The following RAD23B variants were observed in gnomAD, a reference collection of about 807,000 sequenced individuals.
The protein encoded by RAD23B is RAD23 nucleotide excision repair protein B.
Under a neutral mutation model 49.1 loss-of-function variants are expected in RAD23B, and 5 were observed. That is an observed-to-expected ratio of 0.10 (90% confidence interval 0.05 to 0.21). The LOEUF (loss-of-function observed/expected upper bound fraction) is 0.21, where lower values mean the gene tolerates loss of function less well. Among genes scored for constraint, RAD23B ranks in the 10% least tolerant of loss-of-function variants. RAD23B has a pLI of 1.00. For synonymous variants in RAD23B, 184 were observed against 165.4 expected, an observed-to-expected ratio of 1.11 and a Z score of -0.86; for missense variants, 356 against 486.7, an observed-to-expected ratio of 0.73 and a Z score of 2.53.
At chr9:107,284,115 T>G (rs1385752289) in intron 1 of RAD23B, 9 of 995,546 alleles carry the variant, frequency 9.0e-6, no homozygotes, top group Non-Finnish European at 9.6e-6. Flanking sequence ...GCCGCTTAGT[T>G]CCCAGAGTTG....
rs1381301115 is a variant in RAD23B at position 107,329,663 on chromosome 9, C to G, written c.*7C>G. On this transcript the variant is annotated 3_prime_UTR_variant, in exon 10 of 10. Coordinates refer to ENST00000358015, the MANE Select transcript of RAD23B (RefSeq NM_002874.5). The stretch of plus-strand genomic sequence containing the variant: ...GAACTTTGATGAAGATTGAAAGGGA[C>G]TTTTTTATATCTCACACTTCACACC... 1 of 1,569,344 alleles carries G rather than the reference C, an allele frequency of 6.4e-7. No homozygotes were observed. Among genetic ancestry groups the G allele is most frequent in the African/African-American group, 1.4e-5 (1 of 73,730 alleles).
chr9:107,326,613 C>T lies in RAD23B; in HGVS notation c.1116+1609C>T, dbSNP rs1225028981. Among the ~76,000 whole-genome samples, 5 of 140,272 alleles carry T rather than the reference C, an allele frequency of 3.6e-5. No individual in the cohort carries two copies. The South Asian group carries it at 9.2e-4, about 26-fold the overall frequency. 92.0% of individuals were successfully genotyped at this position (140,272 alleles called of 152,430 possible). A position where few individuals can be genotyped will look rare whatever the true frequency, so the allele number is the denominator to read the frequency against. On this transcript the variant is annotated intron_variant, in intron 9 of 9. Transcript: ENST00000358015. ...TTCAGTCTCTTGTTACTTGTCTATT[C>T]AACTTTTGTATTTCTTTTTTTTTTT... is the stretch of plus-strand genomic sequence containing the variant.
Position 107,331,653 on chromosome 9 carries a change from TTC to T in RAD23B, c.*2001_*2002del, listed in dbSNP as rs752821921. On this transcript the variant is annotated 3_prime_UTR_variant, in exon 10 of 10. Coordinates refer to ENST00000358015, the MANE Select transcript of RAD23B (RefSeq NM_002874.5). ...GAATACTCTCATTTATTTTATGACA[TTC>T]TCTGTCTACTCAGATCATAGTGAAA... The T allele has an allele frequency of 1.2e-5, 9 of 770,650 alleles. No individual in the cohort carries two copies. The highest frequency in any genetic ancestry group is 2.2e-5 in the Non-Finnish European group (9 of 415,570). 47.7% of individuals were successfully genotyped at this position (770,650 alleles called of 1,614,324 possible).
At chr9:107,308,357 T>C (rs1014874490) in intron 4 of RAD23B, among the ~76,000 whole-genome samples, 5 of 152,098 alleles carry the variant, frequency 3.3e-5, no homozygotes, top group Non-Finnish European at 7.4e-5. Context: ...TAGCTGGGAT[T>C]ACAGGCGCAT....
intron 1 of RAD23B, among the ~76,000 whole-genome samples, chr9:107,292,610 G>A (rs900296011): frequency 6.6e-6 from 1 of 150,896 alleles, no homozygotes; most frequent in Admixed American, 6.6e-5. Flanking sequence ...AACTCGTGAG[G>A]TGGAGGTTGC....
intron 5 of RAD23B, among the ~76,000 whole-genome samples, chr9:107,313,044 TTTTTA>T (rs1219176402): frequency 3.3e-5 from 5 of 152,144 alleles, no homozygotes; most frequent in Admixed American, 6.5e-5. Context: ...ATTCCCTGCT[TTTTTA>T]TTTTATTTTA....
intron 1 of RAD23B, chr9:107,284,128 A>C (rs865852405): frequency 1.0e-6 from 1 of 993,514 alleles, no homozygotes; most frequent in South Asian, 4.7e-5. Context: ...CAGAGTTGGT[A>C]ACCCGAGAAG....
chr9:107,294,218 T>C (rs985388068), intron 1 of RAD23B, among the ~76,000 whole-genome samples: 4 of 152,212 alleles, frequency 2.6e-5, no homozygotes, highest in Admixed American at 6.5e-5. Context: ...TAATATTATG[T>C]TGAGTACGTT....
chr9:107,311,090 T>C (rs1826879331), intron 4 of RAD23B, among the ~76,000 whole-genome samples: 1 of 152,222 alleles, frequency 6.6e-6, no homozygotes, highest in South Asian at 2.1e-4. Context: ...CAGACTTCTC[T>C]GTAGTTTCCC....
chr9:107,299,388 T>A (rs1204403198), intron 1 of RAD23B, among the ~76,000 whole-genome samples: 1 of 152,184 alleles, frequency 6.6e-6, no homozygotes, highest in Non-Finnish European at 1.5e-5. Flanking sequence ...ACTTAACAAG[T>A]TAAGAAGTTC....
chr9:107,305,143 A>C (rs1344165905), intron 3 of RAD23B, among the ~76,000 whole-genome samples: 1 of 151,956 alleles, frequency 6.6e-6, no homozygotes, highest in Non-Finnish European at 1.5e-5. Context: ...AAAAATACAA[A>C]AATTTAGCAG....
intron 8 of RAD23B, 55 bp from the exon 9 acceptor site, chr9:107,324,779 C>T (rs1827172389): frequency 1.4e-6 from 2 of 1,456,492 alleles, no homozygotes; most frequent in East Asian, 4.7e-5. Context: ...TTCTCTGTTC[C>T]TGCAGATACT....
At chr9:107,287,074 C>CA (rs1227654857) in intron 1 of RAD23B, among the ~76,000 whole-genome samples, 19,321 of 94,052 alleles carry the variant, frequency 0.21, 1,472 homozygotes, top group Admixed American at 0.23. Flanking sequence ...GACTCCGTCT[C>CA]AAAAAAAAAA....
intron 4 of RAD23B, among the ~76,000 whole-genome samples, chr9:107,309,505 C>T (rs994924867): frequency 6.6e-6 from 1 of 152,120 alleles, no homozygotes; most frequent in Non-Finnish European, 1.5e-5. Context: ...CAAGCGTTGA[C>T]ATATAACTAA....
rs114647556 is a variant in RAD23B at position 107,315,060 on chromosome 9, C to T, written c.553+3323C>T. Among the ~76,000 whole-genome samples the T allele has an allele frequency of 5.4e-3, 829 of 152,186 alleles. 4 individuals are homozygous for T. Among genetic ancestry groups the T allele is most frequent in the African/African-American group, 0.019 (782 of 41,510 alleles). ...TTTGTTAGATTGCCTAAGCCAGTGT[C>T]CAGAAGAGTTTTTCTAGGTTTTCTT... is the stretch of plus-strand genomic sequence containing the variant. On this transcript the variant is annotated intron_variant, in intron 5 of 9. Transcript: ENST00000358015.
chr9:107,309,992 G>A (rs955444817), intron 4 of RAD23B, among the ~76,000 whole-genome samples: 2 of 150,904 alleles, frequency 1.3e-5, no homozygotes, highest in African/African-American at 4.9e-5. Flanking sequence ...AGGGAGATGT[G>A]TCTTACCGGA....
At chr9:107,302,373 A>T (rs1234972449) in intron 3 of RAD23B, among the ~76,000 whole-genome samples, 1 of 152,150 alleles carries the variant, frequency 6.6e-6, no homozygotes, top group African/African-American at 2.4e-5. Flanking sequence ...TGTCATGTTA[A>T]AATTATTTTT....
At chr9:107,328,566 C>A (rs374355415) in intron 9 of RAD23B, among the ~76,000 whole-genome samples, 6 of 150,234 alleles carry the variant, frequency 4.0e-5, no homozygotes, top group African/African-American at 1.5e-4. Flanking sequence ...GCCACTGATA[C>A]AACAGGAGAC....
chr9:107,299,776 TG>T (rs1564243152), intron 1 of RAD23B, among the ~76,000 whole-genome samples: 2 of 152,240 alleles, frequency 1.3e-5, no homozygotes, highest in Non-Finnish European at 2.9e-5. Flanking sequence ...TTGATGAGAC[TG>T]TTTTATTTCT....
Sources: allele counts gnomAD v4.1 joint callset (sites outside exome capture counted in the v4.1 genomes callset), GRCh38; gene constraint gnomAD v4.1.1; transcripts MANE v1.5; gene names NCBI Gene and HGNC (gene_info 2026-07-23, HGNC 2026-07-21).